The following ZFYVE1 variants were observed in gnomAD, a reference collection of about 807,000 sequenced individuals.
The protein encoded by ZFYVE1 is zinc finger FYVE-type containing 1.
In ZFYVE1, 30 loss-of-function variants were observed where a neutral mutation model predicts 74.4. That is an observed-to-expected ratio of 0.40 (90% confidence interval 0.30 to 0.55). ZFYVE1 has a LOEUF of 0.55. Ranked by LOEUF, ZFYVE1 falls within the 20% of genes least tolerant of loss-of-function variation. The pLI is 0.42. For synonymous variants in ZFYVE1, 335 were observed against 385.1 expected, an observed-to-expected ratio of 0.87 and a Z score of 1.52; for missense variants, 703 against 1,011.6, an observed-to-expected ratio of 0.69 and a Z score of 4.14.
At chr14:73,011,821 C>T (rs1439690799) in intron 2 of ZFYVE1, among the ~76,000 whole-genome samples, 1 of 148,566 alleles carries the variant, frequency 6.7e-6, no homozygotes, top group Non-Finnish European at 1.5e-5. Context: ...CATGTCTGGC[C>T]TAAAACATTG....
chr14:72,993,567 C>T (rs914884801), intron 3 of ZFYVE1, among the ~76,000 whole-genome samples: 2 of 137,594 alleles, frequency 1.5e-5, no homozygotes, highest in Non-Finnish European at 3.3e-5. Flanking sequence ...GGCGTGGTGG[C>T]GCATGCCTGT....
intron 3 of ZFYVE1, 103 bp from the exon 4 acceptor site, chr14:72,993,460 T>A: frequency 9.3e-7 from 1 of 1,081,006 alleles, no homozygotes; most frequent in Non-Finnish European, 1.3e-6. Flanking sequence ...CCTAGCACTT[T>A]GGGAGGCCAA....
chr14:72,970,496 G>A lies in ZFYVE1; in HGVS notation c.*386C>T, dbSNP rs1000580637. On this transcript the variant is annotated 3_prime_UTR_variant, in exon 12 of 12. Transcript: ENST00000556143. ...ACCTGGCTCGGCTCATGAGGAAGACGTGCTGCCACTGCCACCTCACCCTGT... is the reference window on the plus strand; with the variant it reads ...ACCTGGCTCGGCTCATGAGGAAGACATGCTGCCACTGCCACCTCACCCTGT... 4.9e-6 allele frequency: 1 copy of A among 205,272 alleles called. No individual in the cohort carries two copies. The highest frequency in any genetic ancestry group is 1.0e-5 in the Non-Finnish European group (1 of 100,146). 12.7% of individuals were successfully genotyped at this position (205,272 alleles called of 1,614,324 possible).
At chr14:72,973,456 T>C (rs868069485) in intron 11 of ZFYVE1, among the ~76,000 whole-genome samples, 11 of 151,646 alleles carry the variant, frequency 7.3e-5, no homozygotes, top group African/African-American at 2.7e-4. Context: ...ACCACTGTAC[T>C]CCAGCCTGGG....
chr14:73,009,164 T>C (rs68156821), intron 2 of ZFYVE1, among the ~76,000 whole-genome samples: 30,038 of 152,200 alleles, frequency 0.2, 3,736 homozygotes, highest in East Asian at 0.43. Context: ...GGGAATGGTA[T>C]AGTATCACCA....
chr14:73,019,129 A>G (rs187263963), intron 2 of ZFYVE1, among the ~76,000 whole-genome samples: 1 of 152,290 alleles, frequency 6.6e-6, no homozygotes, highest in Non-Finnish European at 1.5e-5. Flanking sequence ...CAAGGTAATG[A>G]TAAAATGTTC....
intron 3 of ZFYVE1, among the ~76,000 whole-genome samples, chr14:72,994,787 C>A (rs1477723864): frequency 2.0e-5 from 3 of 152,174 alleles, no homozygotes; most frequent in Non-Finnish European, 2.9e-5. Context: ...ACTGTAAGTA[C>A]CTGTCCTTGT....
At chr14:72,995,058 TTTTATTTA>T (rs530658295) in intron 3 of ZFYVE1, among the ~76,000 whole-genome samples, 6 of 152,250 alleles carry the variant, frequency 3.9e-5, no homozygotes, top group African/African-American at 7.2e-5. Context: ...TTAATTTCCT[TTTTATTTA>T]TTTATTTATT....
chr14:73,017,459 AC>A (rs1282595979), intron 2 of ZFYVE1, among the ~76,000 whole-genome samples: 1 of 152,198 alleles, frequency 6.6e-6, no homozygotes, highest in African/African-American at 2.4e-5. Context: ...CTGATTGACA[AC>A]CACTGTGTTA....
At chr14:73,010,266 G>A (rs1385216185) in intron 2 of ZFYVE1, among the ~76,000 whole-genome samples, 1 of 152,086 alleles carries the variant, frequency 6.6e-6, no homozygotes, top group East Asian at 1.9e-4. Context: ...AGGAGTTTGA[G>A]ACTAGGCTGG....
chr14:73,005,703 C>T (rs563167890), intron 2 of ZFYVE1, among the ~76,000 whole-genome samples: 1 of 152,264 alleles, frequency 6.6e-6, no homozygotes, highest in Non-Finnish European at 1.5e-5. Context: ...AGGCATAGCA[C>T]AGTGCCTGGC....
chr14:72,976,523 G>A (rs1317633309), intron 8 of ZFYVE1, among the ~76,000 whole-genome samples: 2 of 152,104 alleles, frequency 1.3e-5, no homozygotes. Flanking sequence ...GATGGCTCAC[G>A]CCTGTAATCC....
At chr14:73,006,069 G>A (rs1056035178) in intron 2 of ZFYVE1, among the ~76,000 whole-genome samples, 3 of 151,930 alleles carry the variant, frequency 2.0e-5, no homozygotes, top group Non-Finnish European at 4.4e-5. Context: ...CTACAGGCCC[G>A]CCACCACGCC....
downstream of ZFYVE1, chr14:72,969,446 C>T (rs1467815669): frequency 2.7e-5 from 12 of 436,650 alleles, no homozygotes; most frequent in Admixed American, 3.2e-4. Flanking sequence ...CCAGCACAGT[C>T]GAGATGCAGG....
intron 2 of ZFYVE1, among the ~76,000 whole-genome samples, chr14:73,006,481 G>A (rs61986543): frequency 0.3 from 45,572 of 151,156 alleles, 7,261 homozygotes; most frequent in Middle Eastern, 0.4. Context: ...AGGCTAAGGC[G>A]GGAGAATCAC....
chr14:73,023,152 T>C (rs1894352856), intron 2 of ZFYVE1, among the ~76,000 whole-genome samples: 1 of 111,426 alleles, frequency 9.0e-6, no homozygotes. Flanking sequence ...CAGAGCGAAA[T>C]TCCATCTCAA....
In ZFYVE1 at chr14:73,024,370, C is replaced by T. The variant is rs755744565; in HGVS notation, c.139G>A (p.Glu47Lys). The T allele has an allele frequency of 6.2e-7, 1 of 1,614,208 alleles. No individual in the cohort carries two copies. The highest frequency in any genetic ancestry group is 8.5e-7 in the Non-Finnish European group (1 of 1,180,042). The stretch of plus-strand genomic sequence containing the variant: ...AGGCGCTCCTGCCGATGGAGCTCCT[C>T]CTCGCAGCGGAGACACTGCAGACTG... ...CCSLQCLRCE[E>K]ELHRQERLRN... The change falls in exon 2 of 12, where the codon GAG becomes AAG. Residue 47 changes from glutamate (E) to lysine (K), a missense_variant. Glu to Lys is a moderately conservative substitution (Grantham distance 56). Transcript: ENST00000556143.
In ZFYVE1 at chr14:72,993,338, T is replaced by C. The variant is rs758907662; in HGVS notation, c.1008A>G (p.Pro336=). The change falls in exon 4 of 12, where the codon CCA becomes CCG. Residue 336 remains proline, a synonymous_variant. Coordinates refer to ENST00000556143, the MANE Select transcript of ZFYVE1 (RefSeq NM_021260.4). The part of the protein sequence containing the change: ...LLGSDHPSEV[P]EKLIQDRFRK... ...GGAACCGGTCCTGGATGAGCTTCTCTGGCACCTCTGAGGGATGATCTATAC... is the reference window on the plus strand; with the variant it reads ...GGAACCGGTCCTGGATGAGCTTCTCCGGCACCTCTGAGGGATGATCTATAC... The C allele has an allele frequency of 2.7e-5, 43 of 1,612,520 alleles. 1 individual carries two copies. The South Asian group carries it at 4.7e-4, about 18-fold the overall frequency.
chr14:72,975,862 C>T lies in ZFYVE1; in HGVS notation c.1636-141G>A, dbSNP rs144068297. ...CTGGCAGGGAAGAACGGAGACACACCAGGAATCCCTCTGGCTTTATTCTCT... is the reference window on the plus strand; with the variant it reads ...CTGGCAGGGAAGAACGGAGACACACTAGGAATCCCTCTGGCTTTATTCTCT... On this transcript the variant is annotated intron_variant, in intron 8 of 11. Coordinates refer to ENST00000556143, the MANE Select transcript of ZFYVE1 (RefSeq NM_021260.4). The surrounding 1 kb of genome is among the most constrained non-coding windows in gnomAD (Gnocchi z 4.1). 3 of 903,764 alleles carry T rather than the reference C, an allele frequency of 3.3e-6. No homozygotes were observed. The highest frequency in any genetic ancestry group is 2.8e-5 in the Admixed American group (1 of 36,234). 56.0% of individuals were successfully genotyped at this position (903,764 alleles called of 1,614,324 possible).
Sources: allele counts gnomAD v4.1 joint callset (sites outside exome capture counted in the v4.1 genomes callset), GRCh38; gene constraint gnomAD v4.1.1; non-coding constraint Gnocchi (gnomAD v3.1); transcripts MANE v1.5; gene names NCBI Gene and HGNC (gene_info 2026-07-23, HGNC 2026-07-21).